The following ACOT12 variants were observed in gnomAD, a reference collection of about 807,000 sequenced individuals.
ACOT12 encodes acetyl-coenzyme A thioesterase.
In ACOT12, 51 loss-of-function variants were observed where a neutral mutation model predicts 67.7. The ratio of observed to expected loss-of-function variants is 0.75; its 90% CI spans 0.60 to 0.95. The LOEUF (loss-of-function observed/expected upper bound fraction) is 0.95, where lower values mean the gene tolerates loss of function less well. Ranked by LOEUF, ACOT12 falls within the 40% of genes least tolerant of loss-of-function variation. The probability of loss-of-function intolerance (pLI) is 0.00; values close to 1 mark genes in which losing one functional copy is unlikely to be tolerated. For synonymous variants in ACOT12, 251 were observed against 244.6 expected (o/e 1.03, Z -0.24); for missense variants, 734 against 708.1 (o/e 1.04, Z -0.41).
the ACOT12 span, among the ~76,000 whole-genome samples, chr5:81,316,931 CTTTA>C: frequency 1.3e-5 from 2 of 152,048 alleles, no homozygotes; most frequent in African/African-American, 2.4e-5. Context: ...ATTGAAACGG[CTTTA>C]TTTATTCTAT....
chr5:81,315,582 T>C, the ACOT12 span, among the ~76,000 whole-genome samples: 1 of 152,158 alleles, frequency 6.6e-6, no homozygotes, highest in Non-Finnish European at 1.5e-5. Flanking sequence ...ATGAGTGATA[T>C]AAAAGGAATC....
Position 81,345,996 on chromosome 5 carries a change from C to A in ACOT12, c.662G>T (p.Cys221Phe), listed in dbSNP as rs762092579. The A allele has an allele frequency of 6.2e-7, 1 of 1,613,878 alleles. No homozygotes were observed. Among genetic ancestry groups the A allele is most frequent in the South Asian group, 1.1e-5 (1 of 91,060 alleles). ...GGACTTCAGAAAGGGATGAGCCCAA[C>A]ACAGGCGGCTGGGGAGACAAAGGGA... is the stretch of plus-strand genomic sequence containing the variant. ...TVATISASRL[C>F]WAHPFLKSVD... The change falls in exon 7 of 15, where the codon TGT (cysteine) becomes TTT (phenylalanine). Residue 221 changes from cysteine to phenylalanine, a missense_variant. By Grantham distance (205) the Cys-to-Phe change is radical. Coordinates refer to ENST00000307624, the MANE Select transcript of ACOT12 (RefSeq NM_130767.3).
At chr5:81,331,559 T>C (rs1222955754) in intron 13 of ACOT12, among the ~76,000 whole-genome samples, 1 of 152,166 alleles carries the variant, frequency 6.6e-6, no homozygotes. Context: ...ATACCCATTG[T>C]TGTTAAAAGA....
chr5:81,385,074 A>G (rs532435197), intron 2 of ACOT12, among the ~76,000 whole-genome samples: 1 of 152,324 alleles, frequency 6.6e-6, no homozygotes, highest in East Asian at 1.9e-4. Flanking sequence ...GTGTTTACCT[A>G]ACAACCTGAT....
chr5:81,340,154 A>G (rs1015194247), intron 11 of ACOT12, among the ~76,000 whole-genome samples: 1 of 142,268 alleles, frequency 7.0e-6, no homozygotes, highest in Non-Finnish European at 1.5e-5. Flanking sequence ...TCTCATGCCT[A>G]AGCCTCCCAA....
chr5:81,335,188 G>A (rs1314401321), intron 12 of ACOT12, among the ~76,000 whole-genome samples: 1 of 152,158 alleles, frequency 6.6e-6, no homozygotes, highest in Non-Finnish European at 1.5e-5. Context: ...TATTGCCTGT[G>A]CAATCTTGGC....
chr5:81,355,770 C>A (rs527486619), intron 5 of ACOT12, among the ~76,000 whole-genome samples: 1 of 152,262 alleles, frequency 6.6e-6, no homozygotes, highest in East Asian at 1.9e-4. Context: ...CCGATGGATG[C>A]CTCCTGCTTC....
At chr5:81,355,183 T>C (rs7726536) in intron 5 of ACOT12, among the ~76,000 whole-genome samples, 2,052 of 152,316 alleles carry the variant, frequency 0.013, 48 homozygotes, top group African/African-American at 0.046. Context: ...CAAACAATAA[T>C]AGAAATGACA....
At chr5:81,357,822 G>C (rs562643852) in intron 5 of ACOT12, among the ~76,000 whole-genome samples, 44 of 152,042 alleles carry the variant, frequency 2.9e-4, no homozygotes, top group Middle Eastern at 6.8e-3. Context: ...CCTGGCCAAT[G>C]TGGTGAAACC....
chr5:81,337,692 TCA>T (rs991409783), intron 11 of ACOT12, among the ~76,000 whole-genome samples: 3 of 152,198 alleles, frequency 2.0e-5, no homozygotes, highest in Admixed American at 1.3e-4. Flanking sequence ...AGATTGTCCC[TCA>T]CAGGCTCAGA....
At chr5:81,391,937 A>C (rs1390245734) in intron 1 of ACOT12, among the ~76,000 whole-genome samples, 1 of 152,204 alleles carries the variant, frequency 6.6e-6, no homozygotes, top group Non-Finnish European at 1.5e-5. Context: ...CTCCAGAGAT[A>C]GTAAACCCTG....
At chr5:81,368,019 C>T (rs1305031112) in intron 3 of ACOT12, among the ~76,000 whole-genome samples, 3 of 152,082 alleles carry the variant, frequency 2.0e-5, no homozygotes, top group East Asian at 1.9e-4. Flanking sequence ...TGGCAGGGCA[C>T]GGTGGCTCAT....
chr5:81,312,718 C>T, the ACOT12 span: 342 of 1,333,848 alleles, frequency 2.6e-4, 4 homozygotes, highest in Middle Eastern at 4.1e-3. Context: ...AAACCAGGCC[C>T]GCTTCACGAG....
intron 5 of ACOT12, among the ~76,000 whole-genome samples, chr5:81,358,132 T>C (rs1304868457): frequency 6.6e-6 from 1 of 152,168 alleles, no homozygotes; most frequent in East Asian, 1.9e-4. Context: ...GTAGTGTAAT[T>C]TCATTGAGGA....
intron 2 of ACOT12, among the ~76,000 whole-genome samples, chr5:81,373,550 C>G (rs1760318656): frequency 6.6e-6 from 1 of 152,184 alleles, no homozygotes; most frequent in Non-Finnish European, 1.5e-5. Flanking sequence ...GGGGCTGAAG[C>G]CAGGGAGCCG....
At chr5:81,323,868 A>G in the ACOT12 span, among the ~76,000 whole-genome samples, 1 of 143,452 alleles carries the variant, frequency 7.0e-6, no homozygotes, top group African/African-American at 2.5e-5. Flanking sequence ...ATGCATATGT[A>G]TATATGTGTA....
At chr5:81,312,621 C>T in the ACOT12 span, 2 of 1,613,786 alleles carry the variant, frequency 1.2e-6, no homozygotes, top group Non-Finnish European at 1.7e-6. Flanking sequence ...ACCTAAACCG[C>T]AAAAACCCAA....
chr5:81,309,468 G>A, the ACOT12 span, among the ~76,000 whole-genome samples: 1 of 152,130 alleles, frequency 6.6e-6, no homozygotes, highest in African/African-American at 2.4e-5. Context: ...TTTTTTCTTA[G>A]TTATTTGTCT....
At chr5:81,353,451 T>A (rs972711371) in intron 5 of ACOT12, among the ~76,000 whole-genome samples, 2 of 152,206 alleles carry the variant, frequency 1.3e-5, no homozygotes, top group Admixed American at 1.3e-4. Context: ...CAACCTGCTT[T>A]GACAACTTTA....
Sources: allele counts gnomAD v4.1 joint callset (sites outside exome capture counted in the v4.1 genomes callset), GRCh38; gene constraint gnomAD v4.1.1; transcripts MANE v1.5; gene names NCBI Gene and HGNC (gene_info 2026-07-23, HGNC 2026-07-21).